Variants in NKAIN3 observed in about 807,000 individuals in gnomAD.
NKAIN3 encodes the protein sodium/potassium-transporting ATPase subunit beta-1-interacting protein 3.
In NKAIN3, 25 loss-of-function variants were observed where a neutral mutation model predicts 30.2. The observed-to-expected ratio is 0.83, with a 90% CI of 0.60 to 1.16. The LOEUF is 1.16. NKAIN3 is among the 50% of genes most tolerant of loss of function. The pLI is 0.00. For missense variants in NKAIN3, 225 were observed against 254.1 expected, an observed-to-expected ratio of 0.89 and a Z score of 0.78; for synonymous variants, 91 against 89.6, an observed-to-expected ratio of 1.02 and a Z score of -0.09.
At chr8:62,544,376 A>G (rs1392214947) in intron 1 of NKAIN3, among the ~76,000 whole-genome samples, 2 of 152,142 alleles carry the variant, frequency 1.3e-5, no homozygotes, top group Admixed American at 1.3e-4. Context: ...CTATTTTTAA[A>G]AGATAATTTT....
At chr8:62,281,698 T>G (rs1382980904) in intron 1 of NKAIN3, among the ~76,000 whole-genome samples, 3 of 152,200 alleles carry the variant, frequency 2.0e-5, no homozygotes, top group African/African-American at 7.2e-5. Flanking sequence ...AGTGGGTTTC[T>G]TAATCCTGAG....
rs1049884679 is a variant in NKAIN3, at chr8:62,969,333, C to G, written c.*3926C>G. ...AAGAATTTGTCTTCATTAAAACTAG[C>G]TAAAATGTACATTGCAAATCTGAAG... On this transcript the variant is annotated 3_prime_UTR_variant, in exon 7 of 7. Transcript: ENST00000623646. Among the ~76,000 whole-genome samples the G allele has an allele frequency of 2.6e-5, 4 of 152,174 alleles. No homozygotes were observed. The highest frequency in any genetic ancestry group is 9.6e-5 in the African/African-American group (4 of 41,456).
At chr8:62,500,451 AAG>A (rs2129673221) in intron 1 of NKAIN3, among the ~76,000 whole-genome samples, 1 of 139,270 alleles carries the variant, frequency 7.2e-6, no homozygotes, top group South Asian at 2.2e-4. Context: ...GAAAGAAAGA[AAG>A]AAAGAAAGAA....
chr8:62,423,089 C>G (rs946497311), intron 1 of NKAIN3, among the ~76,000 whole-genome samples: 17 of 151,960 alleles, frequency 1.1e-4, no homozygotes, highest in African/African-American at 4.1e-4. Context: ...GCACATTTAA[C>G]CACAATGTCG....
At chr8:62,722,758 A>G (rs1295565051) in intron 3 of NKAIN3, among the ~76,000 whole-genome samples, 1 of 152,190 alleles carries the variant, frequency 6.6e-6, no homozygotes, top group Non-Finnish European at 1.5e-5. Context: ...ACACAGACAC[A>G]TCAAAATATG....
intron 4 of NKAIN3, among the ~76,000 whole-genome samples, chr8:62,812,662 G>T (rs1818527878): frequency 1.3e-5 from 2 of 151,480 alleles, no homozygotes; most frequent in African/African-American, 4.8e-5. Flanking sequence ...TCTGCAAATA[G>T]AAATGATTTT....
At chr8:62,483,858 G>C (rs1057505600) in intron 1 of NKAIN3, 1 of 178,110 alleles carries the variant, frequency 5.6e-6, no homozygotes, top group Non-Finnish European at 1.2e-5. Flanking sequence ...TTCTTAAAAT[G>C]GTCCCCTCCT....
At position 62,952,479 on chromosome 8, in the gene NKAIN3, C is replaced by G. The variant is rs1277048017; in HGVS notation, c.533-1423C>G. On this transcript the variant is annotated intron_variant, in intron 5 of 6. Coordinates refer to ENST00000623646, the MANE Select transcript of NKAIN3 (RefSeq NM_001304533.3). ...ATGTTGAAAACAAAAAGAAATTCATCATGAAAGAATGTACATTTTCTCTCT... is the reference window on the plus strand; with the variant it reads ...ATGTTGAAAACAAAAAGAAATTCATGATGAAAGAATGTACATTTTCTCTCT... Among the ~76,000 whole-genome samples, 4 of 152,142 alleles carry G rather than the reference C, an allele frequency of 2.6e-5. No homozygotes were observed. The East Asian group carries it at 7.7e-4, about 29-fold the overall frequency.
chr8:62,398,871 C>T (rs1242710302), intron 1 of NKAIN3, among the ~76,000 whole-genome samples: 1 of 152,144 alleles, frequency 6.6e-6, no homozygotes, highest in East Asian at 1.9e-4. Flanking sequence ...GCAGGCAGAT[C>T]ACGAGGTCAG....
chr8:62,755,686 C>A (rs1239795907), intron 4 of NKAIN3, among the ~76,000 whole-genome samples: 2 of 152,052 alleles, frequency 1.3e-5, no homozygotes, highest in Non-Finnish European at 2.9e-5. Flanking sequence ...TCTGCTCATA[C>A]CAAATTTTGA....
chr8:62,499,610 C>T (rs1162490659), intron 1 of NKAIN3, among the ~76,000 whole-genome samples: 1 of 152,136 alleles, frequency 6.6e-6, no homozygotes, highest in African/African-American at 2.4e-5. Context: ...GAAACAGCAT[C>T]ATATCTCCTA....
chr8:62,357,490 A>C (rs1205069488), intron 1 of NKAIN3, among the ~76,000 whole-genome samples: 1 of 152,124 alleles, frequency 6.6e-6, no homozygotes, highest in East Asian at 1.9e-4. Flanking sequence ...ATTGCTGAAA[A>C]ACTCTTATTT....
At chr8:62,610,116 C>T (rs1171913903) in intron 3 of NKAIN3, among the ~76,000 whole-genome samples, 1 of 151,902 alleles carries the variant, frequency 6.6e-6, no homozygotes, top group Non-Finnish European at 1.5e-5. Flanking sequence ...GAGGCCGAGG[C>T]AGGTGGATCA....
At chr8:62,261,362 C>T (rs1812434677) in intron 1 of NKAIN3, among the ~76,000 whole-genome samples, 1 of 152,072 alleles carries the variant, frequency 6.6e-6, no homozygotes. Flanking sequence ...TTGTTGGTAA[C>T]TGATCTGTGG....
chr8:62,880,696 A>T (rs1820949358), intron 4 of NKAIN3, among the ~76,000 whole-genome samples: 1 of 152,220 alleles, frequency 6.6e-6, no homozygotes, highest in Admixed American at 6.5e-5. Context: ...AACACAGGAC[A>T]TAGATGGTTT....
chr8:62,933,167 G>A (rs960559670), intron 5 of NKAIN3, among the ~76,000 whole-genome samples: 1 of 152,132 alleles, frequency 6.6e-6, no homozygotes, highest in African/African-American at 2.4e-5. Flanking sequence ...TCTTTGAACA[G>A]CAATTCATAG....
chr8:62,415,546 G>C lies in NKAIN3; in HGVS notation c.55-163993G>C, dbSNP rs548661689. 3.3e-5 allele frequency among the ~76,000 whole-genome samples: 5 copies of C among 150,068 alleles called. No homozygotes were observed. In the South Asian group the frequency reaches 6.3e-4, roughly 19 times the overall value. On this transcript the variant is annotated intron_variant, in intron 1 of 6. Transcript: ENST00000623646. ...TAAAAGCTAATATTAACTGCATATA[G>C]ACTCCACTCTTTCAACACCTTCATT... is the stretch of plus-strand genomic sequence containing the variant.
At chr8:62,842,481 A>G (rs1819563347) in intron 4 of NKAIN3, among the ~76,000 whole-genome samples, 1 of 152,146 alleles carries the variant, frequency 6.6e-6, no homozygotes, top group Admixed American at 6.6e-5. Flanking sequence ...AAAAATTTCA[A>G]GGTCATTTTT....
At chr8:62,255,250 T>G (rs949650993) in intron 1 of NKAIN3, among the ~76,000 whole-genome samples, 4 of 152,064 alleles carry the variant, frequency 2.6e-5, no homozygotes, top group African/African-American at 9.7e-5. Flanking sequence ...AAAATCAGAA[T>G]GGAAAACACG....
Sources: allele counts gnomAD v4.1 joint callset (sites outside exome capture counted in the v4.1 genomes callset), GRCh38; gene constraint gnomAD v4.1.1; transcripts MANE v1.5; gene names NCBI Gene and HGNC (gene_info 2026-07-23, HGNC 2026-07-21).